SHANK2: variants seen among roughly 807,000 people sequenced by gnomAD.
SHANK2 encodes the protein SH3 and multiple ankyrin repeat domains 2.
SHANK2 carries 43 observed loss-of-function variants against 133.7 expected under a neutral mutation model. That is an observed-to-expected ratio of 0.32 (90% confidence interval 0.25 to 0.41). The LOEUF (loss-of-function observed/expected upper bound fraction) is 0.41. SHANK2 is among the 10% of genes least tolerant of loss of function. The pLI is 1.00. For missense variants in SHANK2, 1,994 were observed against 2,235.8 expected, an observed-to-expected ratio of 0.89 and a Z score of 2.18; for synonymous variants, 1,017 against 952.8, an observed-to-expected ratio of 1.07 and a Z score of -1.24.
At chr11:70,887,874 C>T (rs1253780032) in intron 11 of SHANK2, among the ~76,000 whole-genome samples, 1 of 152,096 alleles carries the variant, frequency 6.6e-6, no homozygotes, top group African/African-American at 2.4e-5. Flanking sequence ...GTGAGTCTCA[C>T]CTCCACTTCT....
chr11:70,727,819 C>G (rs921361945), intron 14 of SHANK2, among the ~76,000 whole-genome samples: 3 of 152,204 alleles, frequency 2.0e-5, no homozygotes, highest in East Asian at 3.9e-4. Flanking sequence ...TCTGTTCCCC[C>G]AAGACGCTGG....
intron 22 of SHANK2, 112 bp downstream of exon 22, chr11:70,492,223 G>C (rs1315578270): frequency 3.3e-6 from 5 of 1,514,348 alleles, no homozygotes; most frequent in Non-Finnish European, 4.5e-6. Flanking sequence ...CCCACCTCTG[G>C]ACAGCACGAA....
intron 1 of SHANK2, among the ~76,000 whole-genome samples, chr11:71,247,800 C>T (rs1480357314): frequency 1.3e-5 from 2 of 152,198 alleles, no homozygotes; most frequent in African/African-American, 2.4e-5. Context: ...TCCATTCACA[C>T]GCCCCTCACT....
intron 10 of SHANK2, chr11:70,911,242 T>C: frequency 2.2e-6 from 1 of 454,632 alleles, no homozygotes. Context: ...TGTTTTGTTT[T>C]TGAGATGGAG....
intron 17 of SHANK2, among the ~76,000 whole-genome samples, chr11:70,597,238 C>T (rs959393578): frequency 1.3e-5 from 2 of 152,102 alleles, no homozygotes; most frequent in Non-Finnish European, 2.9e-5. Context: ...TCCTCCCTGT[C>T]CCTCATTCTC....
At position 70,852,758 on chromosome 11, in the gene SHANK2, G is replaced by A. The variant is rs1213955016; in HGVS notation, c.1175-32076C>T. 5.3e-5 allele frequency among the ~76,000 whole-genome samples: 8 copies of A among 152,168 alleles called. No individual in the cohort carries two copies. In the East Asian group the frequency reaches 1.5e-3, roughly 29 times the overall value. On this transcript the variant is annotated intron_variant, in intron 11 of 25. Transcript: ENST00000601538. ...CTTGGGAAGTTGAGGCAGGAGAATC[G>A]CTTGAACCCAGGAGGCGGAGGTTGT... is the stretch of plus-strand genomic sequence containing the variant.
intron 17 of SHANK2, among the ~76,000 whole-genome samples, chr11:70,587,800 C>T (rs2060274244): frequency 6.6e-6 from 1 of 150,468 alleles, no homozygotes; most frequent in Non-Finnish European, 1.5e-5. Flanking sequence ...AAACTCTTGG[C>T]CTCAAGTGAA....
intron 10 of SHANK2, among the ~76,000 whole-genome samples, chr11:70,922,199 G>GA (rs1950361937): frequency 6.6e-6 from 1 of 152,138 alleles, no homozygotes; most frequent in African/African-American, 2.4e-5. Flanking sequence ...AAGGAAATTG[G>GA]AAAATTGGTC....
intron 17 of SHANK2, among the ~76,000 whole-genome samples, chr11:70,528,545 T>G (rs1320601774): frequency 2.0e-5 from 3 of 152,108 alleles, no homozygotes; most frequent in African/African-American, 7.2e-5. Context: ...CCTGCCCCGG[T>G]CAGCCAGCGT....
intron 2 of SHANK2, among the ~76,000 whole-genome samples, chr11:71,210,423 G>A (rs1555118742): frequency 1.3e-5 from 2 of 150,588 alleles, no homozygotes; most frequent in African/African-American, 4.9e-5. Flanking sequence ...TAATTTTTTT[G>A]TATTTTTAGT....
At chr11:70,864,756 T>C (rs1204058453) in intron 11 of SHANK2, 1 of 152,192 alleles carries the variant, frequency 6.6e-6, no homozygotes, top group East Asian at 1.9e-4. Context: ...CTGGATATGG[T>C]GGTGTGAACC....
chr11:71,083,770 GA>G, intron 8 of SHANK2, among the ~76,000 whole-genome samples: 1 of 152,292 alleles, frequency 6.6e-6, no homozygotes, highest in African/African-American at 2.4e-5. Context: ...TTGCACGGTG[GA>G]TGTAAAAGTC....
In SHANK2 at chr11:71,096,742, G is replaced by A. The variant is rs7941792; in HGVS notation, c.593-2054C>T. On this transcript the variant is annotated intron_variant, in intron 6 of 25. Transcript: ENST00000601538. The stretch of plus-strand genomic sequence containing the variant: ...TTAGGATTTTCTTTCCCATTTGACT[G>A]TTCCCTTTTGCCCAATGCAAAAAGG... Among the ~76,000 whole-genome samples, 281 of 152,306 alleles carry A rather than the reference G, an allele frequency of 1.8e-3. 2 individuals carry two copies. The highest frequency in any genetic ancestry group is 6.5e-3 in the African/African-American group (270 of 41,572).
At chr11:70,951,425 C>T (rs1307409539) in intron 10 of SHANK2, among the ~76,000 whole-genome samples, 5 of 134,610 alleles carry the variant, frequency 3.7e-5, no homozygotes, top group African/African-American at 1.7e-4. Context: ...ATCATAAATT[C>T]ATTTCCCCTG....
chr11:71,105,314 T>C (rs1951784970), intron 6 of SHANK2, among the ~76,000 whole-genome samples: 1 of 152,060 alleles, frequency 6.6e-6, no homozygotes, highest in Non-Finnish European at 1.5e-5. Flanking sequence ...TCAGCAAGGT[T>C]GAGTGCGGTG....
chr11:71,231,452 G>T (rs576580817), intron 1 of SHANK2, among the ~76,000 whole-genome samples: 4 of 152,306 alleles, frequency 2.6e-5, no homozygotes, highest in Admixed American at 2.6e-4. Flanking sequence ...GGAAAACCTG[G>T]ATCTTACACG....
Position 70,950,184 on chromosome 11 carries a change from G to A in SHANK2, c.1108-53617C>T, listed in dbSNP as rs936638349. 78 of 453,830 alleles carry A rather than the reference G, an allele frequency of 1.7e-4. 2 individuals carry two copies. The highest frequency in any genetic ancestry group is 1.1e-3 in the South Asian group (72 of 64,292). The allele number at this position is 453,830 out of a possible 1,614,324, so 28.1% of individuals were successfully genotyped here. ...AGTGATTCTCCTGCCTCAGCCTCCC[G>A]AGTAGCTGGGATTACAGGATTTCGC... On this transcript the variant is annotated intron_variant, in intron 10 of 25. Coordinates refer to ENST00000601538, the MANE Select transcript of SHANK2 (RefSeq NM_012309.5).
chr11:70,549,949 T>C (rs2059744077), intron 17 of SHANK2, among the ~76,000 whole-genome samples: 1 of 152,208 alleles, frequency 6.6e-6, no homozygotes, highest in Non-Finnish European at 1.5e-5. Context: ...TGCTGGGCTC[T>C]GTCAGGGCTC....
rs568265412 is a variant in SHANK2, at chr11:70,613,059, C to G, written c.2061+46769G>C. ...GCTTGGAAACTTCTCGTGTGTGTCT[C>G]CTGGCCCACGTGGGAGAATGTGTCA... On this transcript the variant is annotated intron_variant, in intron 17 of 25. Coordinates refer to ENST00000601538, the MANE Select transcript of SHANK2 (RefSeq NM_012309.5). Among the ~76,000 whole-genome samples, 3 of 152,270 alleles carry G rather than the reference C, an allele frequency of 2.0e-5. No individual in the cohort carries two copies. The South Asian group carries it at 6.2e-4, about 32-fold the overall frequency.
Sources: allele counts gnomAD v4.1 joint callset (sites outside exome capture counted in the v4.1 genomes callset), GRCh38; gene constraint gnomAD v4.1.1; transcripts MANE v1.5; gene names NCBI Gene and HGNC (gene_info 2026-07-23, HGNC 2026-07-21).